DMD: variants seen among roughly 807,000 people sequenced by gnomAD.
The protein encoded by DMD is mutant dystrophin.
Under a neutral mutation model 330.1 loss-of-function variants are expected in DMD, and 63 were observed. The ratio of observed to expected loss-of-function variants is 0.19; its 90% CI spans 0.16 to 0.24. The LOEUF is 0.24. Among genes scored for constraint, DMD ranks in the 10% least tolerant of loss-of-function variants. The probability of loss-of-function intolerance (pLI) is 1.00; values close to 1 mark genes in which losing one functional copy is unlikely to be tolerated. For synonymous variants in DMD, 1,223 were observed against 959.8 expected (o/e 1.27, Z -5.07); for missense variants, 3,344 against 2,684.1 (o/e 1.25, Z -5.43).
chrX:31,907,680 C>A (rs188306967), intron 47 of DMD, among the ~76,000 whole-genome samples: 1 of 112,150 alleles, frequency 8.9e-6, no homozygotes, highest in East Asian at 2.8e-4. Flanking sequence ...GATGAAAACA[C>A]CAAAAGCAAT....
At chrX:31,316,908 C>T (rs1267928633) in intron 62 of DMD, among the ~76,000 whole-genome samples, 1 of 112,218 alleles carries the variant, frequency 8.9e-6, no homozygotes, top group Non-Finnish European at 1.9e-5. Context: ...TCAAATTAGA[C>T]AGCTGATTCT....
At chrX:31,986,181 T>C (rs1404717612) in intron 44 of DMD, among the ~76,000 whole-genome samples, 1 of 111,723 alleles carries the variant, frequency 9.0e-6, no homozygotes, top group African/African-American at 3.3e-5. Flanking sequence ...TAATTAATTA[T>C]TTACAATCAC....
At chrX:33,190,942 AATATATAATATTAT>A (rs2050565203) in intron 1 of DMD, among the ~76,000 whole-genome samples, 2 of 1,050 alleles carry the variant, frequency 1.9e-3, no homozygotes, top group African/African-American at 2.4e-3. Flanking sequence ...ATATATATAT[AATATATAATATTAT>A]ATATATATAT....
intron 9 of DMD, among the ~76,000 whole-genome samples, chrX:32,649,125 T>A: frequency 9.0e-6 from 1 of 110,631 alleles, no homozygotes; most frequent in East Asian, 2.8e-4. Context: ...TTTGTTTTTT[T>A]TTTTTCCCCC....
At chrX:31,636,971 A>ACATT (rs2079451348) in intron 54 of DMD, among the ~76,000 whole-genome samples, 1 of 112,001 alleles carries the variant, frequency 8.9e-6, no homozygotes, top group African/African-American at 3.2e-5. Flanking sequence ...AAGTTAGTAA[A>ACATT]TGTTGGTTAA....
chrX:32,395,548 G>A (rs1486233758), intron 30 of DMD, among the ~76,000 whole-genome samples: 1 of 110,785 alleles, frequency 9.0e-6, no homozygotes, highest in African/African-American at 3.3e-5. Context: ...TTGTGCACAC[G>A]TACCCTAGAA....
rs189464714 is a variant in DMD at position 32,498,361 on chromosome X, G to T, written c.2380+3394C>A. Among the ~76,000 whole-genome samples the T allele has an allele frequency of 3.1e-3, 342 of 111,213 alleles. 3 individuals are homozygous for T. Among genetic ancestry groups the T allele is most frequent in the African/African-American group, 0.01 (320 of 30,796 alleles). Reference sequence around the variant, plus strand: ...AAACAAAAAATACAGCTAAGATAGAGATAAATCAGTTAAAAATTATACCAA... The same window carrying T: ...AAACAAAAAATACAGCTAAGATAGATATAAATCAGTTAAAAATTATACCAA... On this transcript the variant is annotated intron_variant, in intron 19 of 78. Transcript: ENST00000357033.
chrX:33,071,155 A>G (rs1048139671), intron 1 of DMD, among the ~76,000 whole-genome samples: 4 of 111,343 alleles, frequency 3.6e-5, no homozygotes. Flanking sequence ...TCCTTTTCTA[A>G]AAAATGGACA....
intron 59 of DMD, among the ~76,000 whole-genome samples, chrX:31,471,395 T>C (rs758463506): frequency 1.8e-5 from 2 of 111,867 alleles, no homozygotes; most frequent in Admixed American, 1.9e-4. Flanking sequence ...TTCTGTTGGC[T>C]AGGGGAGGGA....
In DMD at chrX:32,343,197, G is replaced by A. The variant is rs1191768313; in HGVS notation, c.5676C>T (p.Cys1892=). The part of the protein sequence containing the change: ...YKRQADDLLK[C]LDDIEKKLAS... ...CTAATTTTTTTTCAATGTCATCCAA[G>A]CATTTCAGGAGATCATCAGCCTGCC... Residue 1892 remains cysteine, a synonymous_variant, in exon 40 of 79, where the codon TGC becomes TGT. Transcript: ENST00000357033. 1 of 1,207,416 alleles carries A rather than the reference G, an allele frequency of 8.3e-7. No individual in the cohort carries two copies. Among genetic ancestry groups the A allele is most frequent in the African/African-American group, 1.8e-5 (1 of 56,890 alleles).
chrX:32,502,999 T>A (rs2044216011), intron 18 of DMD, among the ~76,000 whole-genome samples: 1 of 112,122 alleles, frequency 8.9e-6, no homozygotes, highest in South Asian at 3.7e-4. Context: ...ATATTTAATT[T>A]AATCTAATTT....
chrX:32,300,735 C>T lies in DMD; in HGVS notation c.6117+9347G>A, dbSNP rs762074098. Among the ~76,000 whole-genome samples the T allele has an allele frequency of 9.0e-5, 10 of 110,571 alleles. 1 individual carries two copies. The South Asian group carries it at 3.8e-3, about 42-fold the overall frequency. ...TCAAAATATATGGCATTCTATGATC[C>T]CAAATTTCTTAGAGTCAGGATACGC... On this transcript the variant is annotated intron_variant, in intron 42 of 78. Coordinates refer to ENST00000357033, the MANE Select transcript of DMD (RefSeq NM_004006.3).
At position 31,214,930 on chromosome X, in the gene DMD, C is replaced by CTTTTTTTTTTTT. The variant is rs1302015325; in HGVS notation, c.9362-5232_9362-5231insAAAAAAAAAAAA. Among the ~76,000 whole-genome samples, 11 of 46,129 alleles carry CTTTTTTTTTTTT rather than the reference C, an allele frequency of 2.4e-4. 1 individual carries two copies. Among genetic ancestry groups the CTTTTTTTTTTTT allele is most frequent in the African/African-American group, 6.6e-4 (8 of 12,122 alleles). 40.1% of individuals were successfully genotyped at this position (46,129 alleles called of 115,157 possible). On this transcript the variant is annotated intron_variant, in intron 64 of 78. Coordinates refer to ENST00000357033, the MANE Select transcript of DMD (RefSeq NM_004006.3). ...AACCACCAAAGATACTTTTTTATTT[C>CTTTTTTTTTTTT]TTTTTTCTTTTTTTTTTTTTTTTTT...
intron 44 of DMD, among the ~76,000 whole-genome samples, chrX:32,015,853 G>A (rs2095756203): frequency 8.9e-6 from 1 of 111,891 alleles, no homozygotes; most frequent in African/African-American, 3.2e-5. Flanking sequence ...TTATCTAATA[G>A]TTCTTTTATT....
At chrX:32,160,275 G>A (rs1417755639) in intron 44 of DMD, among the ~76,000 whole-genome samples, 1 of 106,281 alleles carries the variant, frequency 9.4e-6, no homozygotes. Flanking sequence ...ACTCTGTCAT[G>A]TGGGCTGGAG....
At chrX:32,624,344 C>T (rs934287723) in intron 11 of DMD, among the ~76,000 whole-genome samples, 5 of 111,562 alleles carry the variant, frequency 4.5e-5, no homozygotes. Flanking sequence ...CATATCAGGA[C>T]ATGATACTAG....
intron 9 of DMD, among the ~76,000 whole-genome samples, chrX:32,658,922 C>T (rs779882723): frequency 8.9e-6 from 1 of 111,940 alleles, no homozygotes; most frequent in Non-Finnish European, 1.9e-5. Flanking sequence ...TAATTTCACA[C>T]TCTTGGTACA....
At chrX:31,165,773 A>G (rs2148140353) in intron 74 of DMD, among the ~76,000 whole-genome samples, 1 of 112,350 alleles carries the variant, frequency 8.9e-6, no homozygotes, top group East Asian at 2.8e-4. Context: ...AATATGATGC[A>G]GAAGCGAAAT....
intron 2 of DMD, among the ~76,000 whole-genome samples, chrX:32,859,800 T>G (rs2081938684): frequency 9.0e-6 from 1 of 111,426 alleles, no homozygotes. Flanking sequence ...TGGCATTTTA[T>G]ATCCTAAGAA....
Sources: allele counts gnomAD v4.1 joint callset (sites outside exome capture counted in the v4.1 genomes callset), GRCh38; gene constraint gnomAD v4.1.1; transcripts MANE v1.5; gene names NCBI Gene and HGNC (gene_info 2026-07-23, HGNC 2026-07-21).